The following RBFOX1 variants were observed in gnomAD, a reference collection of about 807,000 sequenced individuals.
The protein encoded by RBFOX1 is RNA binding fox-1 homolog 1.
In RBFOX1, 8 loss-of-function variants were observed where a neutral mutation model predicts 57.7. The ratio of observed to expected loss-of-function variants is 0.14; its 90% CI spans 0.08 to 0.25. The LOEUF (loss-of-function observed/expected upper bound fraction) is 0.25, where lower values mean the gene tolerates loss of function less well. RBFOX1 is among the 10% of genes least tolerant of loss of function. The pLI is 1.00. For missense variants in RBFOX1, 611 were observed against 548.5 expected (o/e 1.11, Z -1.14); for synonymous variants, 326 against 222.4 (o/e 1.47, Z -4.15).
chr16:6,651,042 A>G (rs562332066), intron 2 of RBFOX1, among the ~76,000 whole-genome samples: 22 of 152,168 alleles, frequency 1.4e-4, no homozygotes, highest in Non-Finnish European at 2.6e-4. Context: ...AGCTGGGATT[A>G]CAGGCGTGCA....
At chr16:6,549,158 G>T (rs1567641371) in intron 2 of RBFOX1, among the ~76,000 whole-genome samples, 1 of 26,700 alleles carries the variant, frequency 3.7e-5, no homozygotes, top group African/African-American at 1.8e-4. Flanking sequence ...AGGAGGAGGG[G>T]GGGGGAAGGA....
chr16:5,723,766 G>C (rs1341025632), intron 3 of RBFOX1, among the ~76,000 whole-genome samples: 2 of 152,228 alleles, frequency 1.3e-5, no homozygotes, highest in East Asian at 3.9e-4. Context: ...AGGTTGAGTA[G>C]CCAGCCCACA....
chr16:5,752,974 A>C (rs772940781), intron 3 of RBFOX1, among the ~76,000 whole-genome samples: 8 of 152,148 alleles, frequency 5.3e-5, no homozygotes, highest in Admixed American at 6.5e-5. Flanking sequence ...GAACATAGTG[A>C]GACCTCATCA....
intron 3 of RBFOX1, among the ~76,000 whole-genome samples, chr16:5,783,657 C>T (rs781320488): frequency 6.6e-6 from 1 of 152,140 alleles, no homozygotes; most frequent in Non-Finnish European, 1.5e-5. Flanking sequence ...TAATGATACC[C>T]CAGGCACATT....
chr16:5,819,817 C>A (rs544216811), intron 3 of RBFOX1, among the ~76,000 whole-genome samples: 1 of 152,348 alleles, frequency 6.6e-6, no homozygotes, highest in South Asian at 2.1e-4. Flanking sequence ...ATGCCCTAGG[C>A]AGGCCCTGGA....
At chr16:7,223,688 C>G (rs1445962171) in intron 4 of RBFOX1, among the ~76,000 whole-genome samples, 3 of 148,282 alleles carry the variant, frequency 2.0e-5, no homozygotes, top group African/African-American at 5.0e-5. Flanking sequence ...ATTAAATTCC[C>G]CACTATATGC....
chr16:6,672,514 T>C (rs1484863156), intron 3 of RBFOX1, among the ~76,000 whole-genome samples: 9 of 138,664 alleles, frequency 6.5e-5, no homozygotes, highest in African/African-American at 2.4e-4. Context: ...GGAAGGAAGA[T>C]GGGAGAAAAA....
chr16:5,428,132 G>C (rs923927239), intron 1 of RBFOX1, among the ~76,000 whole-genome samples: 6 of 151,342 alleles, frequency 4.0e-5, no homozygotes, highest in South Asian at 2.1e-4. Flanking sequence ...CTGTGTGTGT[G>C]TGTGTGTGTG....
At chr16:6,283,182 T>A (rs2076570392) in intron 1 of RBFOX1, among the ~76,000 whole-genome samples, 2 of 152,058 alleles carry the variant, frequency 1.3e-5, no homozygotes, top group South Asian at 4.2e-4. Flanking sequence ...GAAAAATTAG[T>A]TGGGCTTGGT....
chr16:6,318,177 C>G (rs1309241672), intron 2 of RBFOX1, among the ~76,000 whole-genome samples: 1 of 152,052 alleles, frequency 6.6e-6, no homozygotes, highest in Non-Finnish European at 1.5e-5. Context: ...TTAGCTACAT[C>G]AGAATGACTT....
chr16:5,721,488 C>A (rs1414396723), intron 3 of RBFOX1, among the ~76,000 whole-genome samples: 1 of 152,128 alleles, frequency 6.6e-6, no homozygotes, highest in African/African-American at 2.4e-5. Flanking sequence ...CCTGGCTTGA[C>A]CCTCCAGTGT....
intron 2 of RBFOX1, among the ~76,000 whole-genome samples, chr16:5,559,314 C>G (rs9888783): frequency 0.74 from 112,983 of 152,092 alleles, 42,228 homozygotes; most frequent in East Asian, 0.87. Flanking sequence ...AATTCCATGA[C>G]GTACATCTTA....
chr16:7,169,972 A>G (rs1567552534), intron 4 of RBFOX1, among the ~76,000 whole-genome samples: 1 of 151,992 alleles, frequency 6.6e-6, no homozygotes, highest in Non-Finnish European at 1.5e-5. Context: ...ACTTGGGAGG[A>G]TCAGGTAGGA....
Position 5,814,724 on chromosome 16 carries a change from C to T in RBFOX1, c.319-52579C>T, listed in dbSNP as rs192563452. ...CGGGTGGATCATGAGGTCAGGAGAT[C>T]GAGACCATCCTGGCTAACAAGGTGA... On this transcript the variant is annotated intron_variant, in intron 3 of 19. Coordinates refer to the RBFOX1 transcript ENST00000641259. 4.3e-3 allele frequency among the ~76,000 whole-genome samples: 656 copies of T among 152,160 alleles called. 13 individuals carry two copies. The highest frequency in any genetic ancestry group is 0.034 in the Admixed American group (523 of 15,276).
At chr16:5,693,409 A>G (rs1278849798) in intron 3 of RBFOX1, among the ~76,000 whole-genome samples, 2 of 152,064 alleles carry the variant, frequency 1.3e-5, no homozygotes, top group African/African-American at 2.4e-5. Context: ...TCTGAATCAA[A>G]ACACTGCAAT....
At chr16:7,479,416 C>T (rs1451541719) in intron 4 of RBFOX1, among the ~76,000 whole-genome samples, 1 of 152,040 alleles carries the variant, frequency 6.6e-6, no homozygotes, top group Non-Finnish European at 1.5e-5. Flanking sequence ...AGGTATGAGC[C>T]GGGGTGCCTG....
At chr16:5,414,511 G>A (rs1422371122) in intron 1 of RBFOX1, among the ~76,000 whole-genome samples, 2 of 152,188 alleles carry the variant, frequency 1.3e-5, no homozygotes, top group Non-Finnish European at 2.9e-5. Flanking sequence ...GACCCTGGAT[G>A]TGGGTTGGTC....
chr16:7,204,429 C>T (rs146023616), intron 4 of RBFOX1, among the ~76,000 whole-genome samples: 1 of 152,232 alleles, frequency 6.6e-6, no homozygotes, highest in East Asian at 1.9e-4. Flanking sequence ...ATCACTTGAG[C>T]CCAGGAGTTT....
intron 4 of RBFOX1, among the ~76,000 whole-genome samples, chr16:7,323,356 G>A (rs565092816): frequency 9.2e-5 from 14 of 152,252 alleles, no homozygotes; most frequent in African/African-American, 2.4e-4. Flanking sequence ...CCCAGGAGTC[G>A]GAGGCTGCAG....
Sources: gnomAD v4.1 joint callset for allele counts (sites outside exome capture counted in the v4.1 genomes callset) on GRCh38, gnomAD v4.1.1 for gene constraint, MANE v1.5 for transcripts, NCBI Gene and HGNC (gene_info 2026-07-23, HGNC 2026-07-21) for gene names.